Variants in BMPR2 observed in about 807,000 individuals in gnomAD.
The protein encoded by BMPR2 is bone morphogenetic protein receptor type-2.
BMPR2 carries 29 observed loss-of-function variants against 100.8 expected under a neutral mutation model. That is an observed-to-expected ratio of 0.29 (90% CI 0.21 to 0.39). BMPR2 has a LOEUF of 0.39. Among genes scored for constraint, BMPR2 ranks in the 10% least tolerant of loss-of-function variants. The pLI is 1.00. For synonymous variants in BMPR2, 382 were observed against 442.3 expected, an observed-to-expected ratio of 0.86 and a Z score of 1.71; for missense variants, 1,011 against 1,274.5, an observed-to-expected ratio of 0.79 and a Z score of 3.15.
chr2:202,504,498 C>T (rs1019934523), intron 3 of BMPR2, among the ~76,000 whole-genome samples: 2 of 151,870 alleles, frequency 1.3e-5, no homozygotes, highest in Non-Finnish European at 2.9e-5. Context: ...TGAACACATC[C>T]GAACATCAGA....
chr2:202,532,040 C>T lies in BMPR2; in HGVS notation c.1129-545C>T, dbSNP rs1032260231. ...CTGCAAGCTCCATCTCCCGGGTTCA[C>T]GCTATTTTCCTGCCTCGGCCTCCTG... On this transcript the variant is annotated intron_variant, in intron 8 of 12. Coordinates refer to ENST00000374580, the MANE Select transcript of BMPR2 (RefSeq NM_001204.7). The surrounding 1 kb of genome is among the most constrained non-coding windows in gnomAD (Gnocchi z 4.1). 2.4e-4 allele frequency among the ~76,000 whole-genome samples: 33 copies of T among 140,188 alleles called. No individual in the cohort carries two copies. Among genetic ancestry groups the T allele is most frequent in the African/African-American group, 8.1e-4 (31 of 38,236 alleles). The allele number at this position is 140,188 out of a possible 152,430, so 92.0% of individuals were successfully genotyped here. A position where few individuals can be genotyped will look rare whatever the true frequency, so the allele number is the denominator to read the frequency against.
chr2:202,458,854 A>G (rs1441947952), intron 1 of BMPR2, among the ~76,000 whole-genome samples: 2 of 152,190 alleles, frequency 1.3e-5, no homozygotes, highest in Non-Finnish European at 2.9e-5. Flanking sequence ...AAAAGTTTTT[A>G]TAGAGTTAGT....
intron 7 of BMPR2, among the ~76,000 whole-genome samples, chr2:202,528,348 G>A (rs191153818): frequency 1.4e-4 from 22 of 152,078 alleles, no homozygotes; most frequent in African/African-American, 5.3e-4. Flanking sequence ...CCACCACGCC[G>A]AGCTGATTTT....
At chr2:202,539,983 A>AT (rs1688242970) in intron 9 of BMPR2, among the ~76,000 whole-genome samples, 1 of 152,144 alleles carries the variant, frequency 6.6e-6, no homozygotes, top group Admixed American at 6.5e-5. Context: ...CATGATGATG[A>AT]TTTTTGTCAT....
At chr2:202,508,602 T>C (rs1342410637) in intron 3 of BMPR2, among the ~76,000 whole-genome samples, 5 of 152,248 alleles carry the variant, frequency 3.3e-5, no homozygotes, top group Admixed American at 2.6e-4. Context: ...CTTCAGTGTT[T>C]CTGTCAACAA....
At chr2:202,429,593 T>TA (rs1400622250) in intron 1 of BMPR2, among the ~76,000 whole-genome samples, 5 of 152,298 alleles carry the variant, frequency 3.3e-5, no homozygotes, top group African/African-American at 1.2e-4. Flanking sequence ...GGCAGTATAT[T>TA]AGTCTGCTTG....
intron 1 of BMPR2, among the ~76,000 whole-genome samples, chr2:202,380,921 G>A (rs1690271630): frequency 9.5e-6 from 1 of 104,776 alleles, no homozygotes; most frequent in African/African-American, 3.1e-5. Flanking sequence ...GCCTGGCCCT[G>A]GCCCTGGCCC....
chr2:202,459,753 CA>C (rs1339793158), intron 1 of BMPR2, among the ~76,000 whole-genome samples: 2 of 152,030 alleles, frequency 1.3e-5, no homozygotes, highest in African/African-American at 4.8e-5. Context: ...AAACAAAAAA[CA>C]AAAGCAAAAC....
intron 7 of BMPR2, among the ~76,000 whole-genome samples, chr2:202,523,804 CAAAAAGAAAAAAG>C (rs1687859637): frequency 6.6e-6 from 1 of 151,200 alleles, no homozygotes; most frequent in Non-Finnish European, 1.5e-5. Context: ...AACTCCATCT[CAAAAAGAAAAAAG>C]AAAAAGAAAA....
At chr2:202,422,594 T>C (rs1691289544) in intron 1 of BMPR2, among the ~76,000 whole-genome samples, 1 of 146,040 alleles carries the variant, frequency 6.8e-6, no homozygotes, top group Admixed American at 6.8e-5. Flanking sequence ...GCGTGAGCCA[T>C]CGTGCCCGGC....
chr2:202,517,152 G>A (rs1016440400), intron 5 of BMPR2, among the ~76,000 whole-genome samples: 10 of 151,366 alleles, frequency 6.6e-5, no homozygotes, highest in Non-Finnish European at 1.5e-4. Context: ...CCCGGGAAAC[G>A]GAGGTTGCAG....
At chr2:202,450,930 G>T (rs574982382) in intron 1 of BMPR2, among the ~76,000 whole-genome samples, 22 of 152,226 alleles carry the variant, frequency 1.4e-4, no homozygotes, top group African/African-American at 5.1e-4. Context: ...TGTTGCTTCA[G>T]CTATTTAGTT....
In BMPR2 at chr2:202,483,462, A is replaced by G. The variant is rs147691076; in HGVS notation, c.418+15773A>G. Among the ~76,000 whole-genome samples, 562 of 151,220 alleles carry G rather than the reference A, an allele frequency of 3.7e-3. 3 individuals carry two copies. The highest frequency in any genetic ancestry group is 0.011 in the African/African-American group (465 of 41,220). On this transcript the variant is annotated intron_variant, in intron 3 of 12. Transcript: ENST00000374580. The stretch of plus-strand genomic sequence containing the variant: ...AATGGTGTCATCTCAGCTCACTGCA[A>G]TCTCCGCCCCCCACCCCGCCTACCC...
chr2:202,534,231 A>G (rs1688082654), intron 9 of BMPR2, among the ~76,000 whole-genome samples: 1 of 148,906 alleles, frequency 6.7e-6, no homozygotes, highest in Non-Finnish European at 1.5e-5. Context: ...GTATATATAT[A>G]TATAAATAAA....
intron 1 of BMPR2, among the ~76,000 whole-genome samples, chr2:202,401,560 T>C (rs1690769229): frequency 6.6e-6 from 1 of 152,236 alleles, no homozygotes; most frequent in Non-Finnish European, 1.5e-5. Flanking sequence ...TGTTAATCCT[T>C]AATACATATG....
chr2:202,441,948 G>A lies in BMPR2; in HGVS notation c.77-22861G>A, dbSNP rs181381189. ...CTCGGGAGGCTGAGGCAGGAGAATC[G>A]CTTGAACCCAGGAGGCGGAGGTTGC... On this transcript the variant is annotated intron_variant, in intron 1 of 12. Coordinates refer to ENST00000374580, the MANE Select transcript of BMPR2 (RefSeq NM_001204.7). 6.7e-3 allele frequency among the ~76,000 whole-genome samples: 997 copies of A among 148,528 alleles called. 96 individuals are homozygous for A. Among genetic ancestry groups the A allele is most frequent in the African/African-American group, 0.024 (933 of 38,728 alleles).
At chr2:202,511,212 G>A (rs1013886993) in intron 3 of BMPR2, among the ~76,000 whole-genome samples, 2 of 152,016 alleles carry the variant, frequency 1.3e-5, no homozygotes, top group Admixed American at 1.3e-4. Context: ...CTATGAATTT[G>A]GCCTATTCTG....
At chr2:202,460,817 C>CT (rs35366212) in intron 1 of BMPR2, among the ~76,000 whole-genome samples, 22,766 of 132,028 alleles carry the variant, frequency 0.17, 2,193 homozygotes, top group Non-Finnish European at 0.23. Context: ...AAAGACCAAA[C>CT]TTTTTTTTTT....
chr2:202,425,475 TA>T (rs746104754), intron 1 of BMPR2, among the ~76,000 whole-genome samples: 2 of 152,246 alleles, frequency 1.3e-5, no homozygotes, highest in African/African-American at 2.4e-5. Flanking sequence ...AAGAGTATGT[TA>T]TAATCTGTTT....
Sources: gnomAD v4.1 joint callset for allele counts (sites outside exome capture counted in the v4.1 genomes callset) on GRCh38, gnomAD v4.1.1 for gene constraint, Gnocchi (gnomAD v3.1) non-coding constraint, MANE v1.5 for transcripts, NCBI Gene and HGNC (gene_info 2026-07-23, HGNC 2026-07-21) for gene names.